TRIM33: variants seen among roughly 807,000 people sequenced by gnomAD.
TRIM33 encodes E3 ubiquitin-protein ligase TRIM33.
In TRIM33, 20 loss-of-function variants were observed where a neutral mutation model predicts 125.4. The observed-to-expected ratio is 0.16, with a 90% CI of 0.11 to 0.23. The LOEUF is 0.23. Among genes scored for constraint, TRIM33 ranks in the 10% least tolerant of loss-of-function variants. TRIM33 has a pLI of 1.00. For synonymous variants in TRIM33, 564 were observed against 513.9 expected (o/e 1.10, Z -1.32); for missense variants, 920 against 1,411.4 (o/e 0.65, Z 5.58).
At chr1:114,439,547 A>C (rs921234771) in intron 4 of TRIM33, among the ~76,000 whole-genome samples, 1 of 151,700 alleles carries the variant, frequency 6.6e-6, no homozygotes, top group Non-Finnish European at 1.5e-5. Context: ...CAAAAAAAAA[A>C]CAGTGAGCAG....
At chr1:114,437,744 C>A (rs942173901) in intron 4 of TRIM33, among the ~76,000 whole-genome samples, 2 of 152,146 alleles carry the variant, frequency 1.3e-5, no homozygotes, top group Non-Finnish European at 2.9e-5. Context: ...TTAGTTAGGA[C>A]AGACTAAGTA....
chr1:114,440,082 G>T (rs1355949263), intron 4 of TRIM33, among the ~76,000 whole-genome samples: 2 of 152,038 alleles, frequency 1.3e-5, no homozygotes, highest in Non-Finnish European at 2.9e-5. Context: ...TTAACATAAG[G>T]GTATACTAAG....
chr1:114,412,869 A>G (rs1209460276), intron 11 of TRIM33, among the ~76,000 whole-genome samples: 1 of 152,230 alleles, frequency 6.6e-6, no homozygotes, highest in Non-Finnish European at 1.5e-5. Context: ...TGGCAAATAA[A>G]AGCAGAATGG....
At chr1:114,426,906 A>C (rs528000329) in intron 8 of TRIM33, among the ~76,000 whole-genome samples, 1 of 152,334 alleles carries the variant, frequency 6.6e-6, no homozygotes, top group East Asian at 1.9e-4. Context: ...GAAACAGTCA[A>C]TATAAATTTA....
intron 6 of TRIM33, among the ~76,000 whole-genome samples, chr1:114,428,753 G>A (rs1164935927): frequency 6.6e-6 from 1 of 152,070 alleles, no homozygotes; most frequent in Non-Finnish European, 1.5e-5. Context: ...CTTCTACAAA[G>A]TATAAGAACA....
chr1:114,484,720 C>T (rs1346301000), intron 1 of TRIM33, among the ~76,000 whole-genome samples: 1 of 152,046 alleles, frequency 6.6e-6, no homozygotes, highest in African/African-American at 2.4e-5. Flanking sequence ...GAAAAATTAG[C>T]CAGGCATGGC....
At chr1:114,426,994 A>C (rs541108623) in intron 8 of TRIM33, among the ~76,000 whole-genome samples, 183 bp downstream of exon 8, 2 of 152,246 alleles carry the variant, frequency 1.3e-5, no homozygotes, top group Non-Finnish European at 2.9e-5. Flanking sequence ...CTTTCTTAAG[A>C]TGTAATAACA....
At chr1:114,429,684 C>A (rs1572044351) in intron 6 of TRIM33, among the ~76,000 whole-genome samples, 1 of 150,060 alleles carries the variant, frequency 6.7e-6, no homozygotes, top group Admixed American at 6.6e-5. Flanking sequence ...TCAAATAAAT[C>A]ATTTCATTAT....
At chr1:114,419,404 C>CT (rs1190333901) in intron 11 of TRIM33, among the ~76,000 whole-genome samples, 6 of 152,008 alleles carry the variant, frequency 3.9e-5, no homozygotes, top group African/African-American at 1.5e-4. Context: ...GCAGATAACC[C>CT]GTCAGGCGGT....
At chr1:114,436,688 C>T (rs1648330779) in intron 4 of TRIM33, among the ~76,000 whole-genome samples, 1 of 152,072 alleles carries the variant, frequency 6.6e-6, no homozygotes, top group African/African-American at 2.4e-5. Context: ...TGATCTCAAA[C>T]TCCTGACCTC....
At chr1:114,398,280 T>C (rs998142827) in intron 18 of TRIM33, among the ~76,000 whole-genome samples, 20 of 152,166 alleles carry the variant, frequency 1.3e-4, no homozygotes, top group South Asian at 8.3e-4. Flanking sequence ...AGAAAAATAT[T>C]TGTGAAGCAT....
At chr1:114,506,598 C>A (rs2101585474) in intron 1 of TRIM33, among the ~76,000 whole-genome samples, 1 of 152,066 alleles carries the variant, frequency 6.6e-6, no homozygotes, top group African/African-American at 2.4e-5. Context: ...GAACTCTTGG[C>A]CTCAAGTTAT....
At chr1:114,455,416 C>T (rs1042027044) in intron 4 of TRIM33, among the ~76,000 whole-genome samples, 1 of 152,126 alleles carries the variant, frequency 6.6e-6, no homozygotes, top group Non-Finnish European at 1.5e-5. Context: ...ATTGAGGGGG[C>T]CCCTTTTGCA....
intron 1 of TRIM33, among the ~76,000 whole-genome samples, chr1:114,472,845 GAC>G (rs1650733671): frequency 6.6e-6 from 1 of 151,720 alleles, no homozygotes; most frequent in Non-Finnish European, 1.5e-5. Context: ...AAAAGTCAAA[GAC>G]AAGAAAATTT....
intron 1 of TRIM33, among the ~76,000 whole-genome samples, chr1:114,508,065 C>T (rs1653108005): frequency 1.3e-5 from 2 of 151,938 alleles, no homozygotes; most frequent in Admixed American, 6.6e-5. Flanking sequence ...TGCAGTAAGC[C>T]GAGATCGAGC....
chr1:114,492,884 G>GT (rs1308664282), intron 1 of TRIM33, among the ~76,000 whole-genome samples: 4 of 152,282 alleles, frequency 2.6e-5, no homozygotes, highest in African/African-American at 9.6e-5. Context: ...GCAAGTATCT[G>GT]TTTGAGTCCC....
chr1:114,486,580 A>T (rs1316766535), intron 1 of TRIM33, among the ~76,000 whole-genome samples: 1 of 151,236 alleles, frequency 6.6e-6, no homozygotes, highest in Non-Finnish European at 1.5e-5. Context: ...AAAAACCAAA[A>T]ATTTAAAACT....
intron 10 of TRIM33, among the ~76,000 whole-genome samples, chr1:114,423,930 T>G (rs1364662680): frequency 6.6e-6 from 1 of 152,184 alleles, no homozygotes; most frequent in Non-Finnish European, 1.5e-5. Context: ...TGACTGGTGA[T>G]TCTGATGGTC....
chr1:114,460,447 T>A (rs1308441056), intron 4 of TRIM33: 1 of 152,046 alleles, frequency 6.6e-6, no homozygotes, highest in Non-Finnish European at 1.5e-5. Context: ...GCTGAGTTCA[T>A]CAAGCTGAAA....
Sources: gnomAD v4.1 joint callset for allele counts (sites outside exome capture counted in the v4.1 genomes callset) on GRCh38, gnomAD v4.1.1 for gene constraint, MANE v1.5 for transcripts, NCBI Gene and HGNC (gene_info 2026-07-23, HGNC 2026-07-21) for gene names.